Variants in CFAP210 observed in about 807,000 individuals in gnomAD.
CFAP210 encodes the protein cilia and flagella associated protein 210, also known as cilia- and flagella- associated protein 210.
the CFAP210 span, among the ~76,000 whole-genome samples, chr2:169,678,341 C>CAAAAAAAA: frequency 6.3e-4 from 55 of 87,826 alleles, no homozygotes; most frequent in East Asian, 2.0e-3. Context: ...AACTCTGTTG[C>CAAAAAAAA]AAAAAAAAAA....
chr2:169,650,734 C>CTGTGTGTGTGTGTGTGTGTGTGTGTG, the CFAP210 span, among the ~76,000 whole-genome samples: 2 of 147,108 alleles, frequency 1.4e-5, no homozygotes, highest in African/African-American at 2.5e-5. Flanking sequence ...TATGTATAAT[C>CTGTGTGTGTGTGTGTGTGTGTGTGTG]TGTGTGTGTG....
At chr2:169,667,096 T>C in the CFAP210 span, among the ~76,000 whole-genome samples, 11 of 152,066 alleles carry the variant, frequency 7.2e-5, no homozygotes, top group Admixed American at 7.2e-4. Flanking sequence ...CTCTTATTAA[T>C]GTTGATATTT....
At chr2:169,684,212 A>G in the CFAP210 span, among the ~76,000 whole-genome samples, 2 of 152,156 alleles carry the variant, frequency 1.3e-5, no homozygotes, top group Non-Finnish European at 2.9e-5. Context: ...CGCAAGCAGG[A>G]GAGAGGGGAC....
the CFAP210 span, among the ~76,000 whole-genome samples, chr2:169,666,328 T>C: frequency 6.6e-6 from 1 of 151,536 alleles, no homozygotes; most frequent in African/African-American, 2.4e-5. Flanking sequence ...AAGCTCGAAT[T>C]CTAGTGAGGG....
At chr2:169,662,379 A>C in the CFAP210 span, 2 of 1,604,262 alleles carry the variant, frequency 1.2e-6, no homozygotes, top group South Asian at 2.3e-5. Context: ...TTATTTCCTC[A>C]GCATCTTTTT....
the CFAP210 span, chr2:169,674,620 T>C: frequency 1.5e-5 from 24 of 1,609,276 alleles, no homozygotes; most frequent in Non-Finnish European, 2.0e-5. Context: ...CTCTGTGTCG[T>C]TTTTCTGCTT....
At chr2:169,651,768 A>G in the CFAP210 span, among the ~76,000 whole-genome samples, 1 of 152,200 alleles carries the variant, frequency 6.6e-6, no homozygotes, top group Non-Finnish European at 1.5e-5. Flanking sequence ...AATAAAAGTT[A>G]TCAAAATCCT....
At chr2:169,687,854 AGGGCCC>A in the CFAP210 span, among the ~76,000 whole-genome samples, 1 of 151,114 alleles carries the variant, frequency 6.6e-6, no homozygotes, top group Non-Finnish European at 1.5e-5. Flanking sequence ...GTTCTCCATG[AGGGCCC>A]TGCCTCTGCA....
At chr2:169,661,788 C>T in the CFAP210 span, among the ~76,000 whole-genome samples, 1 of 152,226 alleles carries the variant, frequency 6.6e-6, no homozygotes, top group East Asian at 1.9e-4. Flanking sequence ...TTAATAGCAA[C>T]TTGTTTTCTA....
chr2:169,646,319 T>G, the CFAP210 span: 2 of 645,522 alleles, frequency 3.1e-6, no homozygotes, highest in South Asian at 4.1e-5. Context: ...AACAACTATA[T>G]ACTATCATTT....
chr2:169,645,807 A>C, the CFAP210 span: 1 of 1,387,124 alleles, frequency 7.2e-7, no homozygotes, highest in Non-Finnish European at 1.0e-6. Context: ...ATATGCTACA[A>C]CTTAGTCTTC....
chr2:169,670,681 A>G, the CFAP210 span, among the ~76,000 whole-genome samples: 1 of 152,194 alleles, frequency 6.6e-6, no homozygotes, highest in African/African-American at 2.4e-5. Flanking sequence ...GGTCCTTGCC[A>G]CATGGACCTC....
At chr2:169,649,450 G>C in the CFAP210 span, 1 of 1,038,812 alleles carries the variant, frequency 9.6e-7, no homozygotes, top group Non-Finnish European at 1.4e-6. Flanking sequence ...GAGTCAGCCA[G>C]GAGCAATGCA....
chr2:169,664,375 C>T, the CFAP210 span, among the ~76,000 whole-genome samples: 1 of 152,188 alleles, frequency 6.6e-6, no homozygotes, highest in African/African-American at 2.4e-5. Context: ...ACTATGCATC[C>T]ATTGGATAAT....
the CFAP210 span, among the ~76,000 whole-genome samples, chr2:169,648,919 C>T: frequency 6.6e-6 from 1 of 152,182 alleles, no homozygotes; most frequent in Non-Finnish European, 1.5e-5. Context: ...ATGGCCTCCA[C>T]ATGCATTTGT....
chr2:169,693,706 T>G, the CFAP210 span, among the ~76,000 whole-genome samples: 1 of 152,218 alleles, frequency 6.6e-6, no homozygotes, highest in South Asian at 2.1e-4. Flanking sequence ...GTACTTTATG[T>G]CACACGATTT....
chr2:169,681,103 T>C, the CFAP210 span: 1,656 of 1,613,950 alleles, frequency 1.0e-3, 22 homozygotes, highest in African/African-American at 0.019. Flanking sequence ...CTGCTTCTCT[T>C]GTCAACCTGT....
At chr2:169,661,113 T>C in the CFAP210 span, 1 of 558,748 alleles carries the variant, frequency 1.8e-6, no homozygotes, top group South Asian at 1.4e-5. Flanking sequence ...GACCTTTTAA[T>C]GCTGCTTCTA....
the CFAP210 span, among the ~76,000 whole-genome samples, chr2:169,652,635 T>C: frequency 6.6e-6 from 1 of 151,878 alleles, no homozygotes; most frequent in Non-Finnish European, 1.5e-5. Flanking sequence ...TTAATAAAAA[T>C]AAAAATCTCT....
Sources: allele counts gnomAD v4.1 joint callset (sites outside exome capture counted in the v4.1 genomes callset), GRCh38; gene constraint gnomAD v4.1.1; transcripts MANE v1.5; gene names NCBI Gene and HGNC (gene_info 2026-07-23, HGNC 2026-07-21).